The following TGFB2 variants were observed in gnomAD, a reference collection of about 807,000 sequenced individuals.
The protein encoded by TGFB2 is transforming growth factor beta 2, also known as transforming growth factor beta-2 proprotein.
A neutral mutation model predicts 42.7 loss-of-function variants in TGFB2; 13 were observed. The observed-to-expected ratio is 0.30, with a 90% confidence interval of 0.20 to 0.48. TGFB2 has a LOEUF of 0.48. Among genes scored for constraint, TGFB2 ranks in the 20% least tolerant of loss-of-function variants. The pLI, the probability that TGFB2 is intolerant of heterozygous loss-of-function variation, is 0.99. For synonymous variants in TGFB2, 193 were observed against 193.6 expected, an observed-to-expected ratio of 1.00 and a Z score of 0.03; for missense variants, 390 against 517.5, an observed-to-expected ratio of 0.75 and a Z score of 2.39.
chr1:218,410,875 A>T (rs887447068), intron 2 of TGFB2, among the ~76,000 whole-genome samples: 6 of 152,222 alleles, frequency 3.9e-5, no homozygotes, highest in African/African-American at 1.4e-4. Context: ...GAGGGAAAGA[A>T]AATAGGAAGG....
At chr1:218,374,881 A>T (rs1324210932) in intron 1 of TGFB2, among the ~76,000 whole-genome samples, 2 of 152,218 alleles carry the variant, frequency 1.3e-5, no homozygotes, top group East Asian at 3.9e-4. Flanking sequence ...CTGTAGCCAG[A>T]CAGCACAAGT....
At chr1:218,382,214 A>G (rs1387458299) in intron 1 of TGFB2, among the ~76,000 whole-genome samples, 1 of 152,340 alleles carries the variant, frequency 6.6e-6, no homozygotes, top group East Asian at 1.9e-4. Context: ...GCTGTCTTCC[A>G]AGGAAGCTGG....
At chr1:218,431,446 A>T (rs1403075746) in intron 2 of TGFB2, among the ~76,000 whole-genome samples, 1 of 152,192 alleles carries the variant, frequency 6.6e-6, no homozygotes, top group Non-Finnish European at 1.5e-5. Flanking sequence ...TATGGCCATA[A>T]TTTTTAAAAA....
At chr1:218,410,947 G>C (rs538762969) in intron 2 of TGFB2, among the ~76,000 whole-genome samples, 1 of 152,292 alleles carries the variant, frequency 6.6e-6, no homozygotes, top group South Asian at 2.1e-4. Context: ...CTTGGAGTTG[G>C]ATAAATCCCC....
intron 1 of TGFB2, among the ~76,000 whole-genome samples, chr1:218,351,675 G>GGGCA (rs2102533036): frequency 6.6e-6 from 1 of 152,278 alleles, no homozygotes; most frequent in South Asian, 2.1e-4. Context: ...AGAGGTTGAG[G>GGGCA]GGCAGGTGGG....
At chr1:218,410,424 C>T (rs1659056873) in intron 2 of TGFB2, among the ~76,000 whole-genome samples, 1 of 152,188 alleles carries the variant, frequency 6.6e-6, no homozygotes, top group Non-Finnish European at 1.5e-5. Context: ...TTACCCTCCC[C>T]TCTCTACAGA....
intron 2 of TGFB2, among the ~76,000 whole-genome samples, chr1:218,427,098 T>A (rs1659648819): frequency 2.0e-5 from 3 of 152,164 alleles, no homozygotes; most frequent in Non-Finnish European, 4.4e-5. Flanking sequence ...AGAAAAAAAA[T>A]TATTGTGATA....
chr1:218,409,561 T>C lies in TGFB2; in HGVS notation c.510+4229T>C, dbSNP rs114140643. On this transcript the variant is annotated intron_variant, in intron 2 of 6. Transcript: ENST00000366930. ...TTACAGGAATTGATGCCGATGGTAA[T>C]AACCTTGAATTATGAAGATGAGGCT... Among the ~76,000 whole-genome samples the C allele has an allele frequency of 2.0e-3, 297 of 152,234 alleles. 2 individuals carry two copies. The highest frequency in any genetic ancestry group is 7.0e-3 in the African/African-American group (289 of 41,544).
intron 2 of TGFB2, among the ~76,000 whole-genome samples, chr1:218,423,181 G>T (rs1271067958): frequency 1.3e-5 from 2 of 152,142 alleles, no homozygotes; most frequent in Non-Finnish European, 2.9e-5. Context: ...ACACGGTTTT[G>T]ACCTAGAGAG....
chr1:218,345,363 C>T lies in TGFB2; in HGVS notation c.-1339C>T, dbSNP rs576544841. 1.3e-5 allele frequency: 2 copies of T among 152,356 alleles called. No individual in the cohort carries two copies. Among genetic ancestry groups the T allele is most frequent in the South Asian group, 2.1e-4 (1 of 4,826 alleles). 9.4% of individuals were successfully genotyped at this position (152,356 alleles called of 1,614,324 possible). On this transcript the variant is annotated 5_prime_UTR_variant, in exon 1 of 7. Coordinates refer to ENST00000366930, the MANE Select transcript of TGFB2 (RefSeq NM_003238.6). ...TGTTATCTGCTGGCAGCAGAAGGTT[C>T]GCTCCGAGCGGAGCTCCAGAAGCTC... is the stretch of plus-strand genomic sequence containing the variant.
chr1:218,389,934 T>C (rs924204084), intron 1 of TGFB2, among the ~76,000 whole-genome samples: 1 of 152,224 alleles, frequency 6.6e-6, no homozygotes, highest in Non-Finnish European at 1.5e-5. Context: ...TAGGATATAC[T>C]TGAGTACACA....
chr1:218,409,319 C>G (rs1289480676), intron 2 of TGFB2, among the ~76,000 whole-genome samples: 1 of 152,218 alleles, frequency 6.6e-6, no homozygotes, highest in African/African-American at 2.4e-5. Context: ...ACCACAGAAG[C>G]AATGCCTGTT....
At chr1:218,354,404 G>A (rs1656965688) in intron 1 of TGFB2, among the ~76,000 whole-genome samples, 1 of 152,210 alleles carries the variant, frequency 6.6e-6, no homozygotes, top group Non-Finnish European at 1.5e-5. Context: ...TAATAATGAA[G>A]GTGGTGATAA....
chr1:218,384,438 G>C (rs1030722840), intron 1 of TGFB2, among the ~76,000 whole-genome samples: 1 of 152,170 alleles, frequency 6.6e-6, no homozygotes, highest in Non-Finnish European at 1.5e-5. Flanking sequence ...TTAAAATAAA[G>C]TACTAAAAGT....
chr1:218,387,960 A>G (rs1299469607), intron 1 of TGFB2, among the ~76,000 whole-genome samples: 1 of 151,704 alleles, frequency 6.6e-6, no homozygotes, highest in African/African-American at 2.4e-5. Context: ...CCCCACTGGC[A>G]TTATTCTACA....
At position 218,440,418 on chromosome 1, in the gene TGFB2, T is replaced by TTTCC. The variant is rs545030707; in HGVS notation, c.1087-775_1087-772dup. Reference sequence around the variant, plus strand: ...AGACACTTAACGTAGAAAGATTTCATTTCCTTCCTTCCTTATTTATTTATT... The same window carrying TTTCC: ...AGACACTTAACGTAGAAAGATTTCATTTCCTTCCTTCCTTCCTTATTTATTTATT... On this transcript the variant is annotated intron_variant, in intron 6 of 6. Coordinates refer to ENST00000366930, the MANE Select transcript of TGFB2 (RefSeq NM_003238.6). 1.1e-4 allele frequency among the ~76,000 whole-genome samples: 16 copies of TTTCC among 152,100 alleles called. No individual in the cohort carries two copies. In the South Asian group the frequency reaches 3.3e-3, roughly 32 times the overall value.
intron 1 of TGFB2, among the ~76,000 whole-genome samples, chr1:218,357,814 T>C (rs1022984803): frequency 6.6e-6 from 1 of 152,228 alleles, no homozygotes; most frequent in Non-Finnish European, 1.5e-5. Context: ...TCGGTAATTA[T>C]GAAACAGGTT....
chr1:218,356,017 T>G (rs796502907), intron 1 of TGFB2, among the ~76,000 whole-genome samples: 3 of 152,238 alleles, frequency 2.0e-5, no homozygotes, highest in African/African-American at 7.2e-5. Context: ...AAAATGAAAT[T>G]AAGTGGAGGC....
In TGFB2 at chr1:218,442,783, A is replaced by T. The variant is rs1251063378; in HGVS notation, c.*1421A>T. The T allele has an allele frequency of 6.6e-6, 1 of 152,136 alleles. No homozygotes were observed. The highest frequency in any genetic ancestry group is 2.4e-5 in the African/African-American group (1 of 41,428). 9.4% of individuals were successfully genotyped at this position (152,136 alleles called of 1,614,324 possible). On this transcript the variant is annotated 3_prime_UTR_variant, in exon 7 of 7. Transcript: ENST00000366930. ...AAATTTTTATGTTAGGAAAAGGAGG[A>T]ATGTTATAGATACATAGAAAATTGA...
Sources: allele counts gnomAD v4.1 joint callset (sites outside exome capture counted in the v4.1 genomes callset), GRCh38; gene constraint gnomAD v4.1.1; transcripts MANE v1.5; gene names NCBI Gene and HGNC (gene_info 2026-07-23, HGNC 2026-07-21).